Variants in CACNA1C observed in about 807,000 individuals in gnomAD.
CACNA1C encodes calcium voltage-gated channel subunit alpha1 C, also known as voltage-dependent L-type calcium channel subunit alpha-1C.
A neutral mutation model predicts 229.0 loss-of-function variants in CACNA1C; 30 were observed. The observed-to-expected ratio is 0.13, with a 90% CI of 0.10 to 0.18. The LOEUF (loss-of-function observed/expected upper bound fraction) is 0.18, where lower values mean the gene tolerates loss of function less well. Among genes scored for constraint, CACNA1C ranks in the 10% least tolerant of loss-of-function variants. The pLI, the probability that CACNA1C is intolerant of heterozygous loss-of-function variation, is 1.00. For missense variants in CACNA1C, 1,658 were observed against 2,845.0 expected (o/e 0.58, Z 9.49); for synonymous variants, 1,114 against 1,132.5 (o/e 0.98, Z 0.33).
At chr12:2,189,957 C>G (rs1348004292) in intron 3 of CACNA1C, among the ~76,000 whole-genome samples, 2 of 152,194 alleles carry the variant, frequency 1.3e-5, no homozygotes, top group Non-Finnish European at 2.9e-5. Context: ...AGGCTGGGTA[C>G]CAGTGCTTCT....
intron 1 of CACNA1C, among the ~76,000 whole-genome samples, chr12:1,982,483 T>C (rs2036438082): frequency 6.6e-6 from 1 of 152,172 alleles, no homozygotes; most frequent in Admixed American, 6.5e-5. Context: ...TATTTGTTCT[T>C]TTGTGTCTGG....
chr12:2,238,282 C>T (rs7977433), intron 3 of CACNA1C, among the ~76,000 whole-genome samples: 6,566 of 152,294 alleles, frequency 0.043, 175 homozygotes, highest in Middle Eastern at 0.068. Flanking sequence ...TTTGGCATGA[C>T]CTTCCCACGG....
chr12:2,043,368 G>A (rs1157322604), intron 1 of CACNA1C, among the ~76,000 whole-genome samples: 1 of 152,146 alleles, frequency 6.6e-6, no homozygotes, highest in Non-Finnish European at 1.5e-5. Context: ...ATCCAGAGGG[G>A]GCTAGTGAGA....
chr12:2,053,410 C>T lies in CACNA1C; in HGVS notation c.-153C>T. On this transcript the variant is annotated 5_prime_UTR_variant, in exon 1 of 47. Coordinates refer to ENST00000399655, the MANE Select transcript of CACNA1C (RefSeq NM_000719.7). The surrounding 1 kb of genome is among the most constrained non-coding windows in gnomAD (Gnocchi z 5.8). ...ATAATGGGAATCAGGTAATCGTCGGCGGGGAAGAAGAAACGCTGCAGACCA... is the reference window on the plus strand; with the variant it reads ...ATAATGGGAATCAGGTAATCGTCGGTGGGGAAGAAGAAACGCTGCAGACCA... 7.1e-7 allele frequency: 1 copy of T among 1,406,470 alleles called. No individual in the cohort carries two copies. Among genetic ancestry groups the T allele is most frequent in the Non-Finnish European group, 9.3e-7 (1 of 1,075,154 alleles). The allele number at this position is 1,406,470 out of a possible 1,614,324, so 87.1% of individuals were successfully genotyped here. A position where few individuals can be genotyped will look rare whatever the true frequency, so the allele number is the denominator to read the frequency against.
chr12:2,438,635 G>A (rs1432100805), intron 3 of CACNA1C, among the ~76,000 whole-genome samples: 2 of 152,062 alleles, frequency 1.3e-5, no homozygotes, highest in Non-Finnish European at 2.9e-5. Context: ...TGTGGCTGGG[G>A]AACGGGGAGG....
At chr12:2,557,710 A>C (rs1462433465) in intron 11 of CACNA1C, among the ~76,000 whole-genome samples, 2 of 152,182 alleles carry the variant, frequency 1.3e-5, no homozygotes, top group Non-Finnish European at 2.9e-5. Flanking sequence ...ACCTTCTGCA[A>C]ACTCCAGGGA....
chr12:2,272,115 AC>A (rs1211737973), intron 3 of CACNA1C, among the ~76,000 whole-genome samples: 1 of 151,924 alleles, frequency 6.6e-6, no homozygotes, highest in Non-Finnish European at 1.5e-5. Context: ...CTTGCTCACA[AC>A]CCCTCAGTGA....
intron 13 of CACNA1C, among the ~76,000 whole-genome samples, chr12:2,572,339 T>TTCC (rs1327075641): frequency 3.4e-5 from 1 of 29,160 alleles, no homozygotes; most frequent in African/African-American, 1.3e-4. Context: ...CCTTCTCTTC[T>TTCC]TCCTCCTCCT....
At position 2,228,400 on chromosome 12, in the gene CACNA1C, G is replaced by C. The variant is rs113937823; in HGVS notation, c.477+107970G>C. Among the ~76,000 whole-genome samples the C allele has an allele frequency of 4.1e-3, 619 of 152,268 alleles. 11 individuals are homozygous for C. The highest frequency in any genetic ancestry group is 0.032 in the South Asian group (154 of 4,824). On this transcript the variant is annotated intron_variant, in intron 3 of 46. Coordinates refer to ENST00000399655, the MANE Select transcript of CACNA1C (RefSeq NM_000719.7). ...CTTACTTGCCCAGGTCTTAAACTCA[G>C]ATCTGTCTGGCTCCAAATGTCCTGA...
At chr12:2,562,359 C>T (rs996608535) in intron 11 of CACNA1C, among the ~76,000 whole-genome samples, 3 of 152,248 alleles carry the variant, frequency 2.0e-5, no homozygotes, top group Admixed American at 6.5e-5. Flanking sequence ...TAACAATTAT[C>T]AGTGATTTCT....
At chr12:2,430,693 G>A (rs960676384) in intron 3 of CACNA1C, among the ~76,000 whole-genome samples, 8 of 152,012 alleles carry the variant, frequency 5.3e-5, no homozygotes, top group African/African-American at 1.2e-4. Flanking sequence ...TTCAGATGCC[G>A]CTTACTGGTA....
rs141534813 is a variant in CACNA1C, at chr12:2,289,831, A to G, written c.478-159145A>G. Reference sequence around the variant, plus strand: ...CCTATTTTGCCATTTACATGTTCACATTCACTTAGCTCAAGTTACCCTTCT... The same window carrying G: ...CCTATTTTGCCATTTACATGTTCACGTTCACTTAGCTCAAGTTACCCTTCT... On this transcript the variant is annotated intron_variant, in intron 3 of 46. Transcript: ENST00000399655. Among the ~76,000 whole-genome samples, 1,450 of 152,352 alleles carry G rather than the reference A, an allele frequency of 9.5e-3. 17 individuals are homozygous for G. The highest frequency in any genetic ancestry group is 0.034 in the African/African-American group (1,393 of 41,574).
intron 1 of CACNA1C, among the ~76,000 whole-genome samples, chr12:2,086,263 T>G (rs1013021645): frequency 6.6e-6 from 1 of 152,238 alleles, no homozygotes; most frequent in African/African-American, 2.4e-5. Flanking sequence ...ATGGAGGATT[T>G]GACAAATCAT....
At chr12:2,393,147 T>G (rs552718707) in intron 3 of CACNA1C, among the ~76,000 whole-genome samples, 45 of 152,278 alleles carry the variant, frequency 3.0e-4, no homozygotes, top group Admixed American at 9.2e-4. Flanking sequence ...GGCTGCAGCT[T>G]CATCTCCCAT....
intron 7 of CACNA1C, among the ~76,000 whole-genome samples, chr12:2,500,445 T>C (rs1173116168): frequency 6.6e-6 from 1 of 152,210 alleles, no homozygotes; most frequent in Non-Finnish European, 1.5e-5. Context: ...AGGTTAAATG[T>C]TCACAAAATT....
At chr12:2,468,946 A>G (rs2154567330) in intron 5 of CACNA1C, among the ~76,000 whole-genome samples, 1 of 152,312 alleles carries the variant, frequency 6.6e-6, no homozygotes, top group Admixed American at 6.5e-5. Context: ...CCTCTGAATC[A>G]TGCGTAATTT....
chr12:2,567,542 A>G, intron 12 of CACNA1C, 27 bp from the exon 13 acceptor site: 32 of 1,448,954 alleles, frequency 2.2e-5, no homozygotes, highest in Non-Finnish European at 2.9e-5. Flanking sequence ...CCCTGCTCGG[A>G]TCTCATCCCT....
intron 1 of CACNA1C, among the ~76,000 whole-genome samples, chr12:2,017,044 G>A (rs1178761766): frequency 6.6e-6 from 1 of 152,130 alleles, no homozygotes; most frequent in East Asian, 1.9e-4. Flanking sequence ...TGGGAATTTG[G>A]AGTTTATTCT....
intron 1 of CACNA1C, among the ~76,000 whole-genome samples, chr12:1,976,123 C>T (rs1021269491): frequency 4.6e-5 from 7 of 152,154 alleles, no homozygotes; most frequent in Admixed American, 4.6e-4. Context: ...GTTTAGATCC[C>T]TTCCTTTCAG....
Sources: allele counts gnomAD v4.1 joint callset (sites outside exome capture counted in the v4.1 genomes callset), GRCh38; gene constraint gnomAD v4.1.1; non-coding constraint Gnocchi (gnomAD v3.1); transcripts MANE v1.5; gene names NCBI Gene and HGNC (gene_info 2026-07-23, HGNC 2026-07-21).